Variants in UTRN observed in about 807,000 individuals in gnomAD.
UTRN encodes the protein utrophin.
Under a neutral mutation model 463.9 loss-of-function variants are expected in UTRN, and 283 were observed. The ratio of observed to expected loss-of-function variants is 0.61; its 90% confidence interval spans 0.55 to 0.67. The LOEUF (loss-of-function observed/expected upper bound fraction) is 0.67. Among genes scored for constraint, UTRN ranks in the 30% least tolerant of loss-of-function variants. The pLI is 0.00. For synonymous variants in UTRN, 1,442 were observed against 1,431.5 expected (o/e 1.01, Z -0.17); for missense variants, 3,922 against 4,084.3 (o/e 0.96, Z 1.08).
intron 51 of UTRN, among the ~76,000 whole-genome samples, chr6:144,670,251 G>A (rs189634964): frequency 2.6e-3 from 390 of 152,110 alleles, no homozygotes; most frequent in Non-Finnish European, 4.1e-3. Flanking sequence ...CATGAGCAGC[G>A]TAAAACTTCC....
At chr6:144,313,217 C>T (rs1032752195) in intron 2 of UTRN, among the ~76,000 whole-genome samples, 2 of 152,094 alleles carry the variant, frequency 1.3e-5, no homozygotes, top group Non-Finnish European at 1.5e-5. Flanking sequence ...CCTCAGGTTG[C>T]ATTCCTGATT....
intron 34 of UTRN, among the ~76,000 whole-genome samples, chr6:144,508,336 C>T (rs988811326): frequency 1.1e-4 from 17 of 152,154 alleles, no homozygotes; most frequent in South Asian, 1.0e-3. Context: ...TCTCCCCAAT[C>T]GGCTGCCCAG....
intron 51 of UTRN, among the ~76,000 whole-genome samples, chr6:144,590,498 CTAACT>C (rs1329017392): frequency 6.6e-6 from 1 of 152,114 alleles, no homozygotes; most frequent in Non-Finnish European, 1.5e-5. Flanking sequence ...AAGGAGTCAA[CTAACT>C]TAACAGACTG....
chr6:144,818,078 A>ACAGTG lies in UTRN; in HGVS notation c.9358-2804_9358-2803insCAGTG, dbSNP rs1779240280. Among the ~76,000 whole-genome samples the ACAGTG allele has an allele frequency of 7.2e-5, 11 of 152,278 alleles. No individual in the cohort carries two copies. The South Asian group carries it at 2.1e-3, about 29-fold the overall frequency. ...CTGTGGAATTGAACTGGCACTTTTGAATAATTTGTCATTTTTTTCACAAGC... is the reference window on the plus strand; with the variant it reads ...CTGTGGAATTGAACTGGCACTTTTGACAGTGATAATTTGTCATTTTTTTCACAAGC... On this transcript the variant is annotated intron_variant, in intron 65 of 74. Transcript: ENST00000367545.
At chr6:144,490,281 G>T (rs1052351575) in intron 31 of UTRN, 82 bp downstream of exon 31, 55 of 1,526,778 alleles carry the variant, frequency 3.6e-5, no homozygotes, top group Non-Finnish European at 4.7e-5. Context: ...GATTACTTGG[G>T]CACCGTTTGT....
intron 65 of UTRN, among the ~76,000 whole-genome samples, chr6:144,803,500 G>T (rs12173916): frequency 0.24 from 37,064 of 151,756 alleles, 5,646 homozygotes; most frequent in East Asian, 0.7. Context: ...ACAGAAAATG[G>T]AGATATTAAA....
intron 19 of UTRN, among the ~76,000 whole-genome samples, chr6:144,457,060 T>A (rs1788920544): frequency 6.6e-6 from 1 of 152,212 alleles, no homozygotes; most frequent in African/African-American, 2.4e-5. Flanking sequence ...GAACTCTGTG[T>A]TTTATAGAAA....
rs57770911 is a variant in UTRN, at chr6:144,732,655, C to CATGTTATGTTATGTTATGTT, written c.7939+2222_7939+2241dup. On this transcript the variant is annotated intron_variant, in intron 54 of 74. Coordinates refer to ENST00000367545, the MANE Select transcript of UTRN (RefSeq NM_007124.3). ...TGACATTTATTGTTTCATTTTATGT[C>CATGTTATGTTATGTTATGTT]ATGTTATGTTATGTTATGTTATGTT... Among the ~76,000 whole-genome samples, 133 of 126,324 alleles carry CATGTTATGTTATGTTATGTT rather than the reference C, an allele frequency of 1.1e-3. 1 individual carries two copies. The highest frequency in any genetic ancestry group is 2.4e-3 in the African/African-American group (79 of 32,730). The allele number at this position is 126,324 out of a possible 152,430, so 82.9% of individuals were successfully genotyped here. A position where few individuals can be genotyped will look rare whatever the true frequency, so the allele number is the denominator to read the frequency against.
At chr6:144,778,605 C>CTAA (rs146368466) in intron 60 of UTRN, among the ~76,000 whole-genome samples, 11,081 of 148,672 alleles carry the variant, frequency 0.075, 1,210 homozygotes, top group African/African-American at 0.25. Flanking sequence ...AGGGGAAATG[C>CTAA]TAATAATAAT....
At position 144,757,236 on chromosome 6, in the gene UTRN, T is replaced by TAAAAA. The variant is rs375711274; in HGVS notation, c.8435-678_8435-674dup. Reference sequence around the variant, plus strand: ...TATAAGTAAGAAGTAACTAGAATTGTAAAAAAAAAAAAAAAAAAAGTACCT... The same window carrying TAAAAA: ...TATAAGTAAGAAGTAACTAGAATTGTAAAAAAAAAAAAAAAAAAAAAAAAGTACCT... On this transcript the variant is annotated intron_variant, in intron 57 of 74. Transcript: ENST00000367545. 2.0e-3 allele frequency among the ~76,000 whole-genome samples: 232 copies of TAAAAA among 115,518 alleles called. 3 individuals carry two copies. The highest frequency in any genetic ancestry group is 3.1e-3 in the Non-Finnish European group (167 of 54,060). The allele number at this position is 115,518 out of a possible 152,430, so 75.8% of individuals were successfully genotyped here. A position where few individuals can be genotyped will look rare whatever the true frequency, so the allele number is the denominator to read the frequency against.
intron 51 of UTRN, among the ~76,000 whole-genome samples, chr6:144,657,609 A>T (rs1009051993): frequency 6.6e-6 from 1 of 152,190 alleles, no homozygotes; most frequent in Non-Finnish European, 1.5e-5. Flanking sequence ...GGGTGTGGAT[A>T]CAAGATATGT....
intron 51 of UTRN, among the ~76,000 whole-genome samples, chr6:144,622,188 T>TG (rs1775477794): frequency 7.8e-6 from 1 of 128,270 alleles, no homozygotes; most frequent in Admixed American, 7.7e-5. Flanking sequence ...TTTGTTGTTT[T>TG]TTTTTTTTTT....
At chr6:144,758,802 G>A (rs1792303839) in intron 58 of UTRN, among the ~76,000 whole-genome samples, 1 of 152,036 alleles carries the variant, frequency 6.6e-6, no homozygotes, top group Admixed American at 6.6e-5. Context: ...TATTTTATGT[G>A]TCAGACGAAC....
chr6:144,311,364 C>G (rs1386240730), intron 2 of UTRN, among the ~76,000 whole-genome samples: 2 of 152,182 alleles, frequency 1.3e-5, no homozygotes, highest in African/African-American at 4.8e-5. Context: ...AGGTGAGTAG[C>G]TCAACCCAGG....
At chr6:144,362,461 G>A (rs1779166268) in intron 2 of UTRN, among the ~76,000 whole-genome samples, 1 of 152,210 alleles carries the variant, frequency 6.6e-6, no homozygotes, top group Non-Finnish European at 1.5e-5. Context: ...GTCATTGCAT[G>A]GTCTTCAGTG....
At chr6:144,342,342 T>TACACACAC (rs55809792) in intron 2 of UTRN, among the ~76,000 whole-genome samples, 30 of 138,246 alleles carry the variant, frequency 2.2e-4, no homozygotes, top group Non-Finnish European at 4.1e-4. Flanking sequence ...GGTACACACA[T>TACACACAC]ACACACACAC....
At chr6:144,334,553 C>G (rs1298433241) in intron 2 of UTRN, among the ~76,000 whole-genome samples, 2 of 152,120 alleles carry the variant, frequency 1.3e-5, no homozygotes, top group African/African-American at 2.4e-5. Context: ...AACAGGCTTT[C>G]AGCAGCTGCT....
At chr6:144,418,936 C>T (rs1161068277) in intron 3 of UTRN, among the ~76,000 whole-genome samples, 1 of 152,156 alleles carries the variant, frequency 6.6e-6, no homozygotes, top group Admixed American at 6.5e-5. Flanking sequence ...ATATTAGCTG[C>T]CCTTGCCATC....
At position 144,748,410 on chromosome 6, in the gene UTRN, G is replaced by T; in HGVS notation, c.8104G>T (p.Asp2702Tyr). 6.2e-7 allele frequency: 1 copy of T among 1,613,906 alleles called. No individual in the cohort carries two copies. Among genetic ancestry groups the T allele is most frequent in the South Asian group, 1.1e-5 (1 of 91,070 alleles). Residue 2702 changes from aspartate (D) to tyrosine (Y), a missense_variant, in exon 55 of 75, where the codon GAC becomes TAC. Transcript: ENST00000367545. ...KLRDLQGAMD[D>Y]LDADMKEAES... ...CAGAGACCTGCAGGGAGCTATGGATGACCTGGACGCTGACATGAAGGAGGC... is the reference window on the plus strand; with the variant it reads ...CAGAGACCTGCAGGGAGCTATGGATTACCTGGACGCTGACATGAAGGAGGC...
Sources: allele counts gnomAD v4.1 joint callset (sites outside exome capture counted in the v4.1 genomes callset), GRCh38; gene constraint gnomAD v4.1.1; transcripts MANE v1.5; gene names NCBI Gene and HGNC (gene_info 2026-07-23, HGNC 2026-07-21).